The following ULK4 variants were observed in gnomAD, a reference collection of about 807,000 sequenced individuals.
ULK4 encodes unc-51 like kinase 4.
Under a neutral mutation model 160.6 loss-of-function variants are expected in ULK4, and 133 were observed. That is an observed-to-expected ratio of 0.83 (90% CI 0.72 to 0.96). The LOEUF (loss-of-function observed/expected upper bound fraction) is 0.96, where lower values mean the gene tolerates loss of function less well. Ranked by LOEUF, ULK4 falls within the 40% of genes least tolerant of loss-of-function variation. The pLI, the probability that ULK4 is intolerant of heterozygous loss-of-function variation, is 0.00. For synonymous variants in ULK4, 534 were observed against 539.8 expected, an observed-to-expected ratio of 0.99 and a Z score of 0.15; for missense variants, 1,580 against 1,499.5, an observed-to-expected ratio of 1.05 and a Z score of -0.89.
At chr3:41,626,642 A>G (rs937913071) in intron 30 of ULK4, among the ~76,000 whole-genome samples, 1 of 150,832 alleles carries the variant, frequency 6.6e-6, no homozygotes, top group Non-Finnish European at 1.5e-5. Context: ...CTCCTGCCTC[A>G]GCCACCCGAG....
At chr3:41,271,495 G>A (rs998915038) in intron 35 of ULK4, among the ~76,000 whole-genome samples, 10 of 151,302 alleles carry the variant, frequency 6.6e-5, no homozygotes, top group Non-Finnish European at 1.0e-4. Flanking sequence ...GGGTTCAAGC[G>A]ATTCTTGTGC....
intron 21 of ULK4, among the ~76,000 whole-genome samples, chr3:41,755,142 C>T (rs1204658767): frequency 2.0e-5 from 3 of 151,986 alleles, no homozygotes; most frequent in African/African-American, 7.3e-5. Flanking sequence ...ACATGGTTAA[C>T]GAATGTAAGT....
intron 35 of ULK4, among the ~76,000 whole-genome samples, chr3:41,337,229 TAATATAC>T (rs2080580360): frequency 6.6e-6 from 1 of 152,238 alleles, no homozygotes; most frequent in Non-Finnish European, 1.5e-5. Flanking sequence ...TATTACTTTA[TAATATAC>T]ATTATATTTC....
chr3:41,741,130 TTTC>T (rs1396753084), intron 22 of ULK4, among the ~76,000 whole-genome samples: 1 of 151,934 alleles, frequency 6.6e-6, no homozygotes, highest in African/African-American at 2.4e-5. Flanking sequence ...TTAGTTTGTT[TTTC>T]TTCATTTTAT....
chr3:41,796,265 T>C (rs1410716664), intron 20 of ULK4, among the ~76,000 whole-genome samples: 2 of 152,124 alleles, frequency 1.3e-5, no homozygotes, highest in Non-Finnish European at 2.9e-5. Flanking sequence ...CCAGTCTCTC[T>C]CTGTCTGAGA....
At chr3:41,533,690 G>A (rs926628504) in intron 32 of ULK4, among the ~76,000 whole-genome samples, 1 of 152,202 alleles carries the variant, frequency 6.6e-6, no homozygotes, top group African/African-American at 2.4e-5. Flanking sequence ...TGGCCCACAA[G>A]TCTTAAATAT....
At chr3:41,296,302 G>A (rs1359987983) in intron 35 of ULK4, among the ~76,000 whole-genome samples, 4 of 152,070 alleles carry the variant, frequency 2.6e-5, no homozygotes, top group East Asian at 3.9e-4. Flanking sequence ...TTAAAAATAC[G>A]TACCTCGGTT....
chr3:41,251,997 G>A (rs1033826407), intron 35 of ULK4, among the ~76,000 whole-genome samples: 1 of 152,104 alleles, frequency 6.6e-6, no homozygotes, highest in Non-Finnish European at 1.5e-5. Context: ...AAGAACTGAG[G>A]TAACAAATAT....
intron 32 of ULK4, among the ~76,000 whole-genome samples, chr3:41,476,043 G>A (rs1219635937): frequency 1.7e-5 from 2 of 114,544 alleles, no homozygotes; most frequent in South Asian, 3.3e-4. Context: ...GGAGAGGAGG[G>A]AAAAAGGAAG....
At chr3:41,251,726 AG>A (rs2078746522) in intron 35 of ULK4, among the ~76,000 whole-genome samples, 1 of 152,238 alleles carries the variant, frequency 6.6e-6, no homozygotes, top group African/African-American at 2.4e-5. Flanking sequence ...CAGCAACAAT[AG>A]CCAGCAAGAG....
chr3:41,319,757 T>C (rs770547380), intron 35 of ULK4, among the ~76,000 whole-genome samples: 26 of 152,262 alleles, frequency 1.7e-4, no homozygotes, highest in Non-Finnish European at 3.1e-4. Flanking sequence ...AGTATTACTA[T>C]TGTGTCCAAT....
intron 18 of ULK4, among the ~76,000 whole-genome samples, chr3:41,825,015 C>T (rs368329267): frequency 6.6e-6 from 1 of 152,214 alleles, no homozygotes; most frequent in Non-Finnish European, 1.5e-5. Flanking sequence ...CCAATATCCG[C>T]TGTTCTGCAG....
Position 41,717,721 on chromosome 3 carries a change from A to T in ULK4, c.2455+7T>A. 1.2e-6 allele frequency: 2 copies of T among 1,609,024 alleles called. No homozygotes were observed. On this transcript the variant is annotated splice_region_variant and intron_variant, in intron 23 of 36. Coordinates refer to ENST00000301831, the MANE Select transcript of ULK4 (RefSeq NM_017886.4). ...AAATGGGGCCTGAGGATGAGACTCC[A>T]ATTTACCCAGGATTCGTGGCAGCTC...
intron 32 of ULK4, among the ~76,000 whole-genome samples, chr3:41,495,604 TG>T (rs2084957893): frequency 1.3e-5 from 2 of 150,488 alleles, no homozygotes; most frequent in African/African-American, 4.9e-5. Flanking sequence ...AAAGAGCTTC[TG>T]CACAGCAAAA....
chr3:41,751,964 A>G (rs1210862023), intron 22 of ULK4, among the ~76,000 whole-genome samples: 1 of 152,218 alleles, frequency 6.6e-6, no homozygotes, highest in Non-Finnish European at 1.5e-5. Context: ...GGGCTAACAC[A>G]AGGGCAAGAA....
intron 34 of ULK4, among the ~76,000 whole-genome samples, chr3:41,445,640 A>G (rs1346331663): frequency 6.6e-6 from 1 of 152,250 alleles, no homozygotes; most frequent in Non-Finnish European, 1.5e-5. Context: ...CCCCTATTTA[A>G]TAAATGGTGC....
intron 35 of ULK4, among the ~76,000 whole-genome samples, chr3:41,334,833 G>A (rs560264388): frequency 2.0e-5 from 3 of 152,062 alleles, no homozygotes; most frequent in Non-Finnish European, 4.4e-5. Context: ...ATTAACTTCT[G>A]TTTTAATTCA....
intron 32 of ULK4, among the ~76,000 whole-genome samples, chr3:41,515,327 C>G (rs1191235006): frequency 2.6e-5 from 4 of 151,594 alleles, no homozygotes; most frequent in Non-Finnish European, 5.9e-5. Flanking sequence ...GATAGATATG[C>G]TAAAGAGACA....
At chr3:41,676,949 T>C (rs188638677) in intron 29 of ULK4, among the ~76,000 whole-genome samples, 27 of 146,328 alleles carry the variant, frequency 1.8e-4, no homozygotes, top group Admixed American at 1.5e-3. Flanking sequence ...TCTCAATCTA[T>C]TGCCCAGGCT....
Sources: gnomAD v4.1 joint callset for allele counts (sites outside exome capture counted in the v4.1 genomes callset) on GRCh38, gnomAD v4.1.1 for gene constraint, MANE v1.5 for transcripts, NCBI Gene and HGNC (gene_info 2026-07-23, HGNC 2026-07-21) for gene names.